QTMAN: variants seen among roughly 807,000 people sequenced by gnomAD.
QTMAN encodes the protein queuosine-tRNA mannosyltransferase, also known as tRNA-queuosine alpha-mannosyltransferase.
the QTMAN span, among the ~76,000 whole-genome samples, chr2:144,281,395 CAAAAAAA>C: frequency 0.018 from 1,122 of 60,674 alleles, 20 homozygotes; most frequent in African/African-American, 0.067. Flanking sequence ...ATTGTTATAG[CAAAAAAA>C]AAAAAAAAAA....
the QTMAN span, among the ~76,000 whole-genome samples, chr2:143,961,117 A>G: frequency 4.6e-5 from 7 of 152,180 alleles, no homozygotes; most frequent in African/African-American, 1.4e-4. Context: ...TCATGGCAGC[A>G]TATATCTGAT....
the QTMAN span, among the ~76,000 whole-genome samples, chr2:144,272,397 T>C: frequency 6.6e-6 from 1 of 152,202 alleles, no homozygotes; most frequent in African/African-American, 2.4e-5. Context: ...TCAACAATTA[T>C]AATTTATTCT....
At chr2:144,023,592 GA>G in the QTMAN span, among the ~76,000 whole-genome samples, 3 of 152,176 alleles carry the variant, frequency 2.0e-5, no homozygotes, top group Admixed American at 6.5e-5. Flanking sequence ...ATTATTTGCA[GA>G]AGAGTTTTTT....
At chr2:144,319,249 G>C in the QTMAN span, among the ~76,000 whole-genome samples, 1 of 152,022 alleles carries the variant, frequency 6.6e-6, no homozygotes, top group African/African-American at 2.4e-5. Context: ...TTTGCAAATA[G>C]AAACATTTTA....
At chr2:144,216,719 G>A in the QTMAN span, among the ~76,000 whole-genome samples, 12 of 152,232 alleles carry the variant, frequency 7.9e-5, no homozygotes, top group Middle Eastern at 6.8e-3. Context: ...AAGTAACACC[G>A]ATTAAAGAGA....
At chr2:144,208,836 C>A in the QTMAN span, 1 of 1,256,958 alleles carries the variant, frequency 8.0e-7, no homozygotes, top group African/African-American at 1.5e-5. Flanking sequence ...TATATTTTTT[C>A]CATTACATAC....
chr2:144,113,717 T>A, the QTMAN span, among the ~76,000 whole-genome samples: 1 of 152,214 alleles, frequency 6.6e-6, no homozygotes, highest in East Asian at 1.9e-4. Flanking sequence ...AGAGACAAGA[T>A]TTATTAACTG....
the QTMAN span, among the ~76,000 whole-genome samples, chr2:144,089,444 G>T: frequency 1.1e-4 from 17 of 151,918 alleles, no homozygotes; most frequent in Non-Finnish European, 1.6e-4. Flanking sequence ...CCACTACTAG[G>T]TATCTACCTA....
At chr2:144,127,703 C>CT in the QTMAN span, among the ~76,000 whole-genome samples, 2 of 151,966 alleles carry the variant, frequency 1.3e-5, no homozygotes, top group Non-Finnish European at 2.9e-5. Flanking sequence ...ATATTCCACA[C>CT]TTTACCTATG....
the QTMAN span, among the ~76,000 whole-genome samples, chr2:144,294,816 G>C: frequency 6.6e-6 from 1 of 152,060 alleles, no homozygotes; most frequent in South Asian, 2.1e-4. Context: ...ACTCTCCATT[G>C]CTTAAAAGTG....
chr2:144,024,865 T>C, the QTMAN span, among the ~76,000 whole-genome samples: 36 of 152,358 alleles, frequency 2.4e-4, no homozygotes, highest in African/African-American at 7.7e-4. Context: ...ATCAATTTAT[T>C]GATGACTTGG....
the QTMAN span, among the ~76,000 whole-genome samples, chr2:144,074,628 A>G: frequency 6.6e-6 from 1 of 152,202 alleles, no homozygotes; most frequent in African/African-American, 2.4e-5. Context: ...TTGAGATATA[A>G]TCCAGCTCAA....
the QTMAN span, among the ~76,000 whole-genome samples, chr2:144,290,322 G>A: frequency 6.6e-6 from 1 of 152,014 alleles, no homozygotes; most frequent in Non-Finnish European, 1.5e-5. Context: ...ATATCCCAAT[G>A]TTCTACTAAT....
At chr2:144,204,215 A>C in the QTMAN span, among the ~76,000 whole-genome samples, 33 of 152,296 alleles carry the variant, frequency 2.2e-4, no homozygotes, top group Admixed American at 7.8e-4. Flanking sequence ...AGGCAACCTA[A>C]AGAATGGGAG....
chr2:143,971,465 A>AT, the QTMAN span, among the ~76,000 whole-genome samples: 3 of 151,348 alleles, frequency 2.0e-5, no homozygotes, highest in Non-Finnish European at 3.0e-5. Context: ...CACATGGATT[A>AT]TTTTTTTTTG....
chr2:144,024,176 T>C, the QTMAN span, among the ~76,000 whole-genome samples: 93 of 152,376 alleles, frequency 6.1e-4, no homozygotes, highest in Non-Finnish European at 1.1e-3. Flanking sequence ...ATCAATGAGA[T>C]ACCAAAAATT....
the QTMAN span, chr2:144,210,795 T>C: frequency 6.6e-6 from 1 of 152,156 alleles, no homozygotes; most frequent in Non-Finnish European, 1.5e-5. Context: ...AGACAGAATA[T>C]AAGCAGTTTA....
the QTMAN span, among the ~76,000 whole-genome samples, chr2:144,133,275 T>TA: frequency 1.6e-5 from 1 of 63,358 alleles, no homozygotes; most frequent in African/African-American, 6.5e-5. Context: ...AAATATATAT[T>TA]TATATATACA....
chr2:144,302,687 A>C, the QTMAN span, among the ~76,000 whole-genome samples: 1 of 152,258 alleles, frequency 6.6e-6, no homozygotes, highest in Admixed American at 6.5e-5. Flanking sequence ...CTATGGCAGA[A>C]TCAAAGATGA....
Sources: gnomAD v4.1 joint callset for allele counts (sites outside exome capture counted in the v4.1 genomes callset) on GRCh38, gnomAD v4.1.1 for gene constraint, MANE v1.5 for transcripts, NCBI Gene and HGNC (gene_info 2026-07-23, HGNC 2026-07-21) for gene names.